The following PCM1 variants were observed in gnomAD, a reference collection of about 807,000 sequenced individuals.
The protein encoded by PCM1 is pericentriolar material 1 protein.
In PCM1, 157 loss-of-function variants were observed where a neutral mutation model predicts 241.9. The observed-to-expected ratio is 0.65, with a 90% CI of 0.57 to 0.74. The LOEUF (loss-of-function observed/expected upper bound fraction) is 0.74, where lower values mean the gene tolerates loss of function less well. PCM1 is among the 30% of genes least tolerant of loss of function. The pLI is 0.00. For synonymous variants in PCM1, 1,085 were observed against 784.9 expected (o/e 1.38, Z -6.39); for missense variants, 3,478 against 2,360.1 (o/e 1.47, Z -9.81).
chr8:17,965,434 G>C (rs1305402994), intron 18 of PCM1, among the ~76,000 whole-genome samples: 1 of 152,186 alleles, frequency 6.6e-6, no homozygotes, highest in East Asian at 1.9e-4. Context: ...CTCTGTGCTA[G>C]GAACCAGGCA....
In PCM1 at chr8:17,971,580, T is replaced by G. The variant is rs2076869053; in HGVS notation, c.3585-749T>G. On this transcript the variant is annotated intron_variant, in intron 22 of 38. Transcript: ENST00000325083. Reference sequence around the variant, plus strand: ...GGACTTAAGGAGTGGAGAAATAAATTGCTAATTGAATGACCAATTGTATTC... The same window carrying G: ...GGACTTAAGGAGTGGAGAAATAAATGGCTAATTGAATGACCAATTGTATTC... 2.6e-5 allele frequency among the ~76,000 whole-genome samples: 4 copies of G among 152,086 alleles called. No homozygotes were observed. In the South Asian group the frequency reaches 8.3e-4, roughly 32 times the overall value.
chr8:18,013,006 A>G (rs1032172155), intron 34 of PCM1, among the ~76,000 whole-genome samples: 2 of 152,232 alleles, frequency 1.3e-5, no homozygotes, highest in East Asian at 1.9e-4. Context: ...TGATATATCA[A>G]AAAGCAAGTT....
Position 17,989,913 on chromosome 8 carries a change from G to T in PCM1, c.4465G>T (p.Asp1489Tyr). 4 of 1,546,568 alleles carry T rather than the reference G, an allele frequency of 2.6e-6. No individual in the cohort carries two copies. The highest frequency in any genetic ancestry group is 3.5e-6 in the Non-Finnish European group (4 of 1,143,460). ...AACCCATAAAATAAGTGAGCAAAAT[G>T]ATGCTGATAATGCTAGTGTCCTGTC... ...RETHKISEQN[D>Y]ADNASVLSVS... Residue 1489 changes from aspartate (D) to tyrosine (Y), a missense_variant, in exon 27 of 39, where the codon GAT becomes TAT. By Grantham distance (160) the Asp-to-Tyr change is radical. Transcript: ENST00000325083.
intron 29 of PCM1, among the ~76,000 whole-genome samples, chr8:18,005,477 G>C (rs931203145): frequency 6.6e-6 from 1 of 151,806 alleles, no homozygotes; most frequent in African/African-American, 2.4e-5. Context: ...TGTATTGGTG[G>C]GGGGGACTGA....
At chr8:17,939,116 T>G in intron 5 of PCM1, 107 bp downstream of exon 5, 1 of 1,036,390 alleles carries the variant, frequency 9.6e-7, no homozygotes, top group South Asian at 1.6e-5. Context: ...TTGGGTGGAA[T>G]TAAAGTGCTT....
At chr8:17,972,836 A>G (rs1401837434) in intron 23 of PCM1, 149 bp downstream of exon 23, 4 of 393,086 alleles carry the variant, frequency 1.0e-5, no homozygotes, top group Non-Finnish European at 1.8e-5. Flanking sequence ...ACCTTTATAT[A>G]TATAATTTTT....
At chr8:17,932,077 A>G (rs554416492) in intron 2 of PCM1, among the ~76,000 whole-genome samples, 2 of 152,254 alleles carry the variant, frequency 1.3e-5, no homozygotes, top group East Asian at 1.9e-4. Flanking sequence ...TACTTTTTCC[A>G]TGATACACCG....
intron 30 of PCM1, among the ~76,000 whole-genome samples, chr8:18,008,230 A>G (rs2091848412): frequency 6.6e-6 from 1 of 152,144 alleles, no homozygotes; most frequent in Admixed American, 6.6e-5. Context: ...TCAGATCAGC[A>G]GCAGCATTAG....
chr8:17,983,382 A>G, intron 24 of PCM1: 1 of 614,884 alleles, frequency 1.6e-6, no homozygotes, highest in Non-Finnish European at 2.6e-6. Flanking sequence ...TCTTTTTTAA[A>G]TTTAGCTGAG....
intron 6 of PCM1, among the ~76,000 whole-genome samples, chr8:17,944,253 T>A (rs1053906421): frequency 6.6e-6 from 1 of 152,172 alleles, no homozygotes; most frequent in Non-Finnish European, 1.5e-5. Context: ...ACCCAGCACA[T>A]AATTTGGAGC....
chr8:17,964,305 T>G (rs2073933600), intron 17 of PCM1, among the ~76,000 whole-genome samples: 3 of 152,152 alleles, frequency 2.0e-5, no homozygotes, highest in Admixed American at 2.0e-4. Context: ...TTAAGGGTAG[T>G]TTAGCTTTGG....
At chr8:18,007,580 T>C (rs755724445) in intron 30 of PCM1, among the ~76,000 whole-genome samples, 2 of 152,260 alleles carry the variant, frequency 1.3e-5, no homozygotes, top group Non-Finnish European at 2.9e-5. Context: ...CATTAATTTC[T>C]AAAGACTTTT....
rs968029443 is a variant in PCM1 at position 17,963,352 on chromosome 8, G to T, written c.2654+61G>T. On this transcript the variant is annotated intron_variant, in intron 17 of 38. Transcript: ENST00000325083. ...TCACCTGCCGAAGATTGACCTGTAG[G>T]CTAGGCAGCCACATTTCTCCTCTAC... 10 of 1,270,094 alleles carry T rather than the reference G, an allele frequency of 7.9e-6. No homozygotes were observed. In the African/African-American group the frequency reaches 9.2e-5, roughly 12 times the overall value. The allele number at this position is 1,270,094 out of a possible 1,614,324, so 78.7% of individuals were successfully genotyped here. A position where few individuals can be genotyped will look rare whatever the true frequency, so the allele number is the denominator to read the frequency against.
rs367852521 is a variant in PCM1, at chr8:17,952,966, T to A, written c.1072-4T>A. 8 of 1,523,000 alleles carry A rather than the reference T, an allele frequency of 5.3e-6. No homozygotes were observed. The highest frequency in any genetic ancestry group is 7.1e-6 in the Non-Finnish European group (8 of 1,132,692). 94.3% of individuals were successfully genotyped at this position (1,523,000 alleles called of 1,614,324 possible). On this transcript the variant is annotated splice_region_variant and splice_polypyrimidine_tract_variant and intron_variant, in intron 8 of 38. Coordinates refer to ENST00000325083, the MANE Select transcript of PCM1 (RefSeq NM_006197.4). The stretch of plus-strand genomic sequence containing the variant: ...CTTCTTTTTTGTTGTTTTTTTTTAA[T>A]AAGCCTCCAGCTGTTCCAGACAATA...
At chr8:18,025,222 A>G (rs1225606366) in intron 36 of PCM1, 139 bp from the exon 37 acceptor site, 4 of 493,762 alleles carry the variant, frequency 8.1e-6, no homozygotes, top group Non-Finnish European at 1.4e-5. Flanking sequence ...TGAACTGCAT[A>G]TTTCTAAATT....
intron 36 of PCM1, among the ~76,000 whole-genome samples, chr8:18,024,528 T>C (rs527173): frequency 0.78 from 118,952 of 152,068 alleles, 47,097 homozygotes; most frequent in African/African-American, 0.85. Context: ...CGAAAATTAC[T>C]GGTTAGATTT....
intron 30 of PCM1, among the ~76,000 whole-genome samples, chr8:18,007,793 C>G (rs953719294): frequency 6.6e-6 from 1 of 152,114 alleles, no homozygotes; most frequent in African/African-American, 2.4e-5. Flanking sequence ...ACAAAGCACC[C>G]AGCATATGTA....
chr8:17,999,993 A>G (rs2088681865), intron 29 of PCM1, among the ~76,000 whole-genome samples: 1 of 152,230 alleles, frequency 6.6e-6, no homozygotes, highest in South Asian at 2.1e-4. Flanking sequence ...ATAAGTAAAT[A>G]AAAGACATAT....
chr8:17,956,601 C>T lies in PCM1; in HGVS notation c.1473-3C>T. ...TCGTATACATAAATTTTTTGTTTAT[C>T]AGGAAGTTAAATGAAGTTCGAAAGA... On this transcript the variant is annotated splice_polypyrimidine_tract_variant and splice_region_variant and intron_variant, in intron 10 of 38. Coordinates refer to ENST00000325083, the MANE Select transcript of PCM1 (RefSeq NM_006197.4). 1 of 1,561,580 alleles carries T rather than the reference C, an allele frequency of 6.4e-7. No individual in the cohort carries two copies. The highest frequency in any genetic ancestry group is 8.7e-7 in the Non-Finnish European group (1 of 1,147,960).
Sources: gnomAD v4.1 joint callset for allele counts (sites outside exome capture counted in the v4.1 genomes callset) on GRCh38, gnomAD v4.1.1 for gene constraint, MANE v1.5 for transcripts, NCBI Gene and HGNC (gene_info 2026-07-23, HGNC 2026-07-21) for gene names.